FHOD3: variants seen among roughly 807,000 people sequenced by gnomAD.
FHOD3 encodes the protein formin homology 2 domain containing 3.
In FHOD3, 90 loss-of-function variants were observed where a neutral mutation model predicts 173.0. That is an observed-to-expected ratio of 0.52 (90% CI 0.44 to 0.62). FHOD3 has a LOEUF of 0.62. Among genes scored for constraint, FHOD3 ranks in the 20% least tolerant of loss-of-function variants. The pLI, the probability that FHOD3 is intolerant of heterozygous loss-of-function variation, is 0.00. For synonymous variants in FHOD3, 828 were observed against 823.0 expected, an observed-to-expected ratio of 1.01 and a Z score of -0.10; for missense variants, 1,945 against 2,034.7, an observed-to-expected ratio of 0.96 and a Z score of 0.85.
intron 5 of FHOD3, among the ~76,000 whole-genome samples, chr18:36,558,370 T>C (rs1293356277): frequency 6.6e-6 from 1 of 152,230 alleles, no homozygotes; most frequent in Non-Finnish European, 1.5e-5. Context: ...TATTGCTTGC[T>C]GTCTAGTGTC....
At chr18:36,515,240 CAG>C (rs2055901989) in intron 5 of FHOD3, among the ~76,000 whole-genome samples, 2 of 151,756 alleles carry the variant, frequency 1.3e-5, no homozygotes, top group South Asian at 4.2e-4. Context: ...TATTTTGAGA[CAG>C]AGTCTCGCTC....
intron 25 of FHOD3, among the ~76,000 whole-genome samples, chr18:36,758,611 T>C (rs980430691): frequency 1.3e-5 from 2 of 152,112 alleles, no homozygotes; most frequent in Non-Finnish European, 2.9e-5. Context: ...ACCAGCAGCC[T>C]GGGCAGGGAG....
intron 3 of FHOD3, among the ~76,000 whole-genome samples, chr18:36,427,285 C>CT (rs2050299351): frequency 1.2e-5 from 1 of 86,228 alleles, no homozygotes; most frequent in African/African-American, 4.8e-5. Flanking sequence ...TCTTGCTTCT[C>CT]TAAAAAAAAA....
rs188282872 is a variant in FHOD3, at chr18:36,446,537, C to T, written c.338-55395C>T. ...TTTAATCCACATGTCCCAGATTGAACCCTTTTTGAATGGAAAGGCTTTGCA... is the reference window on the plus strand; with the variant it reads ...TTTAATCCACATGTCCCAGATTGAATCCTTTTTGAATGGAAAGGCTTTGCA... On this transcript the variant is annotated intron_variant, in intron 3 of 28. Coordinates refer to ENST00000590592, the MANE Select transcript of FHOD3 (RefSeq NM_001281740.3). Among the ~76,000 whole-genome samples, 111 of 152,084 alleles carry T rather than the reference C, an allele frequency of 7.3e-4. 1 individual carries two copies. Among genetic ancestry groups the T allele is most frequent in the Middle Eastern group, 3.4e-3 (1 of 294 alleles).
At chr18:36,439,733 A>G (rs1257929766) in intron 3 of FHOD3, among the ~76,000 whole-genome samples, 3 of 152,160 alleles carry the variant, frequency 2.0e-5, no homozygotes, top group African/African-American at 7.2e-5. Context: ...GTATGAGGCC[A>G]TAAGCCTGAG....
At chr18:36,682,187 C>G (rs367625862) in intron 15 of FHOD3, among the ~76,000 whole-genome samples, 2 of 152,170 alleles carry the variant, frequency 1.3e-5, no homozygotes, top group African/African-American at 4.8e-5. Context: ...GCTTCTCCTT[C>G]AGCCAGTCCA....
chr18:36,664,814 G>GAT (rs1555798288), intron 14 of FHOD3, among the ~76,000 whole-genome samples: 2 of 146,858 alleles, frequency 1.4e-5, no homozygotes, highest in Admixed American at 6.8e-5. Context: ...GAGAGAGAGA[G>GAT]ATTGAGATTG....
chr18:36,344,765 A>T (rs2045800492), intron 1 of FHOD3, among the ~76,000 whole-genome samples: 1 of 152,306 alleles, frequency 6.6e-6, no homozygotes, highest in African/African-American at 2.4e-5. Flanking sequence ...AGATTAGATT[A>T]AAAAACTATA....
chr18:36,643,480 A>G (rs1349635263), intron 10 of FHOD3, among the ~76,000 whole-genome samples: 1 of 152,214 alleles, frequency 6.6e-6, no homozygotes, highest in Non-Finnish European at 1.5e-5. Context: ...GCCCTAGGGT[A>G]TAGCAATACA....
chr18:36,743,797 G>A (rs1345140475), intron 22 of FHOD3, among the ~76,000 whole-genome samples: 1 of 152,214 alleles, frequency 6.6e-6, no homozygotes, highest in Non-Finnish European at 1.5e-5. Context: ...ATTTAGGGGT[G>A]AGCCCTGGGA....
chr18:36,728,753 A>G (rs147117513), intron 19 of FHOD3, among the ~76,000 whole-genome samples: 8 of 152,360 alleles, frequency 5.3e-5, no homozygotes, highest in Middle Eastern at 3.4e-3. Flanking sequence ...GGGCTACAGC[A>G]GAACAGTTTC....
At chr18:36,689,737 A>G (rs991200873) in intron 16 of FHOD3, among the ~76,000 whole-genome samples, 2 of 152,138 alleles carry the variant, frequency 1.3e-5, no homozygotes, top group Non-Finnish European at 2.9e-5. Flanking sequence ...TGTTAGTCTG[A>G]GGGAGACAGC....
intron 5 of FHOD3, among the ~76,000 whole-genome samples, chr18:36,525,191 G>A (rs1208887828): frequency 6.6e-6 from 1 of 152,124 alleles, no homozygotes; most frequent in Non-Finnish European, 1.5e-5. Flanking sequence ...ATGTAATTAA[G>A]GTCCCAAATC....
chr18:36,472,170 A>G (rs2053321374), intron 3 of FHOD3, among the ~76,000 whole-genome samples: 2 of 152,312 alleles, frequency 1.3e-5, no homozygotes, highest in South Asian at 2.1e-4. Context: ...GATTTCTATT[A>G]AGATGCAGCT....
intron 3 of FHOD3, among the ~76,000 whole-genome samples, chr18:36,397,634 CT>C (rs1229438649): frequency 6.6e-6 from 1 of 152,218 alleles, no homozygotes; most frequent in East Asian, 1.9e-4. Context: ...AGAATCCTGT[CT>C]TTATTGGTGA....
At chr18:36,308,650 T>C (rs998934575) in intron 1 of FHOD3, among the ~76,000 whole-genome samples, 1 of 152,200 alleles carries the variant, frequency 6.6e-6, no homozygotes, top group Non-Finnish European at 1.5e-5. Context: ...TGGGTCTCAC[T>C]TCATCCTGTG....
chr18:36,437,717 G>A (rs1250523962), intron 3 of FHOD3, among the ~76,000 whole-genome samples: 2 of 138,014 alleles, frequency 1.4e-5, no homozygotes, highest in Non-Finnish European at 3.1e-5. Flanking sequence ...AGGCTGGAGT[G>A]CAGTGGCACG....
intron 2 of FHOD3, 87 bp from the exon 3 acceptor site, chr18:36,372,593 A>G: frequency 1.9e-6 from 2 of 1,048,968 alleles, no homozygotes; most frequent in Non-Finnish European, 1.4e-6. Flanking sequence ...TTAAGTGGGT[A>G]TGTCAGAACC....
chr18:36,478,564 CTCT>C (rs956841008), intron 3 of FHOD3, among the ~76,000 whole-genome samples: 7 of 152,116 alleles, frequency 4.6e-5, no homozygotes, highest in African/African-American at 1.7e-4. Context: ...CCAATGTAGC[CTCT>C]TCTTAAACAG....
Sources: allele counts gnomAD v4.1 joint callset (sites outside exome capture counted in the v4.1 genomes callset), GRCh38; gene constraint gnomAD v4.1.1; transcripts MANE v1.5; gene names NCBI Gene and HGNC (gene_info 2026-07-23, HGNC 2026-07-21).